AKT3: variants seen among roughly 807,000 people sequenced by gnomAD.
AKT3 encodes the protein RAC-gamma serine/threonine-protein kinase.
AKT3 carries 15 observed loss-of-function variants against 65.3 expected under a neutral mutation model. The observed-to-expected ratio is 0.23, with a 90% CI of 0.15 to 0.35. The LOEUF (loss-of-function observed/expected upper bound fraction) is 0.35. Among genes scored for constraint, AKT3 ranks in the 10% least tolerant of loss-of-function variants. The pLI, the probability that AKT3 is intolerant of heterozygous loss-of-function variation, is 1.00. For missense variants in AKT3, 243 were observed against 576.5 expected (o/e 0.42, Z 5.92); for synonymous variants, 206 against 183.8 (o/e 1.12, Z -0.98).
At chr1:243,614,488 A>T (rs899890483) in intron 7 of AKT3, among the ~76,000 whole-genome samples, 6 of 152,144 alleles carry the variant, frequency 3.9e-5, no homozygotes, top group African/African-American at 1.2e-4. Context: ...AGAACTAAAA[A>T]ATCCAGTTTC....
intron 5 of AKT3, among the ~76,000 whole-genome samples, chr1:243,640,206 T>C (rs974770650): frequency 3.3e-5 from 5 of 152,190 alleles, no homozygotes; most frequent in African/African-American, 1.2e-4. Context: ...ATATCAAATA[T>C]AGTAAATCAG....
intron 2 of AKT3, among the ~76,000 whole-genome samples, chr1:243,705,182 G>C (rs1685718630): frequency 6.6e-6 from 1 of 152,112 alleles, no homozygotes; most frequent in Non-Finnish European, 1.5e-5. Flanking sequence ...CTTCATCTTA[G>C]CCAAAAGTCC....
chr1:243,678,240 T>C (rs186981636), intron 3 of AKT3, among the ~76,000 whole-genome samples: 2 of 152,250 alleles, frequency 1.3e-5, no homozygotes, highest in Admixed American at 1.3e-4. Context: ...CCAAATAAGT[T>C]AGCCTGGCTT....
chr1:243,590,547 T>C lies in AKT3; in HGVS notation c.697-17499A>G, dbSNP rs968590696. 5.3e-5 allele frequency among the ~76,000 whole-genome samples: 8 copies of C among 151,830 alleles called. 1 individual carries two copies. The highest frequency in any genetic ancestry group is 4.6e-4 in the Admixed American group (7 of 15,246). ...AAACATACCTAAAAATCAGAGATGA[T>C]GGAATTAATAGATACTGACTTCAAA... is the stretch of plus-strand genomic sequence containing the variant. On this transcript the variant is annotated intron_variant, in intron 8 of 13. Transcript: ENST00000673466.
At chr1:243,590,251 C>T (rs1375044232) in intron 8 of AKT3, among the ~76,000 whole-genome samples, 2 of 152,102 alleles carry the variant, frequency 1.3e-5, no homozygotes, top group Non-Finnish European at 2.9e-5. Flanking sequence ...TCTCATCACA[C>T]ACAGACAAAG....
At chr1:243,795,341 T>C (rs1372254492) in intron 2 of AKT3, among the ~76,000 whole-genome samples, 1 of 152,032 alleles carries the variant, frequency 6.6e-6, no homozygotes, top group African/African-American at 2.4e-5. Flanking sequence ...TCTTCAGTCT[T>C]CCACAGGAGA....
intron 13 of AKT3, among the ~76,000 whole-genome samples, chr1:243,511,178 T>C (rs948223979): frequency 6.6e-6 from 1 of 152,268 alleles, no homozygotes; most frequent in African/African-American, 2.4e-5. Flanking sequence ...ATCGGTCAAG[T>C]TGGTAAGCCC....
intron 2 of AKT3, among the ~76,000 whole-genome samples, chr1:243,830,686 C>T (rs977891044): frequency 1.3e-5 from 2 of 152,098 alleles, no homozygotes; most frequent in African/African-American, 4.8e-5. Context: ...TTCTTATAGG[C>T]TTAGAAAGTT....
chr1:243,592,996 C>G (rs1236341614), intron 8 of AKT3, among the ~76,000 whole-genome samples: 1 of 152,008 alleles, frequency 6.6e-6, no homozygotes, highest in Non-Finnish European at 1.5e-5. Context: ...ATAATCTAAG[C>G]GGAACACAAA....
intron 2 of AKT3, among the ~76,000 whole-genome samples, chr1:243,767,541 C>G (rs1272676129): frequency 6.6e-6 from 1 of 151,770 alleles, no homozygotes; most frequent in African/African-American, 2.4e-5. Context: ...AGTATTTCCA[C>G]TAATAGATAA....
intron 3 of AKT3, among the ~76,000 whole-genome samples, chr1:243,668,667 T>A (rs1019347370): frequency 6.6e-6 from 1 of 152,202 alleles, no homozygotes; most frequent in Non-Finnish European, 1.5e-5. Flanking sequence ...TTCTCCCAGA[T>A]ATACCCAGAT....
chr1:243,685,296 T>G (rs1363390675), intron 3 of AKT3, among the ~76,000 whole-genome samples: 2 of 152,174 alleles, frequency 1.3e-5, no homozygotes, highest in African/African-American at 4.8e-5. Context: ...AGTTTTAGGG[T>G]TTTTATGGTT....
intron 2 of AKT3, among the ~76,000 whole-genome samples, chr1:243,842,472 G>T (rs897886713): frequency 3.9e-5 from 6 of 152,084 alleles, no homozygotes; most frequent in Admixed American, 3.9e-4. Context: ...ACATCGAAGG[G>T]TTCTTCCTTT....
chr1:243,592,063 C>G (rs887420242), intron 8 of AKT3, among the ~76,000 whole-genome samples: 10 of 152,224 alleles, frequency 6.6e-5, no homozygotes, highest in Middle Eastern at 3.4e-3. Context: ...TGGCCAGGCA[C>G]GGTAGCTCAC....
At chr1:243,763,590 A>C (rs1485272334) in intron 2 of AKT3, among the ~76,000 whole-genome samples, 1 of 152,102 alleles carries the variant, frequency 6.6e-6, no homozygotes, top group African/African-American at 2.4e-5. Flanking sequence ...CACAGAGCAG[A>C]TGTACACATC....
At chr1:243,811,136 C>T (rs1693115708) in intron 2 of AKT3, among the ~76,000 whole-genome samples, 1 of 152,180 alleles carries the variant, frequency 6.6e-6, no homozygotes. Context: ...CCCTCTCTCA[C>T]CACTCCTATT....
intron 2 of AKT3, among the ~76,000 whole-genome samples, chr1:243,819,887 C>G (rs1233258918): frequency 1.3e-5 from 2 of 152,178 alleles, no homozygotes; most frequent in Admixed American, 1.3e-4. Context: ...GGGCCCCCAG[C>G]AAACTGCAGC....
At chr1:243,624,074 C>G (rs1330184504) in intron 6 of AKT3, among the ~76,000 whole-genome samples, 1 of 152,076 alleles carries the variant, frequency 6.6e-6, no homozygotes, top group African/African-American at 2.4e-5. Flanking sequence ...TGAGAGTGGT[C>G]TTAGGGACAG....
chr1:243,522,413 T>C (rs1189926705), intron 12 of AKT3, among the ~76,000 whole-genome samples: 1 of 152,152 alleles, frequency 6.6e-6, no homozygotes, highest in African/African-American at 2.4e-5. Flanking sequence ...ATTCCAACAA[T>C]GTAGGAGGCC....
Sources: gnomAD v4.1 joint callset for allele counts (sites outside exome capture counted in the v4.1 genomes callset) on GRCh38, gnomAD v4.1.1 for gene constraint, MANE v1.5 for transcripts, NCBI Gene and HGNC (gene_info 2026-07-23, HGNC 2026-07-21) for gene names.